Variants in JPH3 observed in about 807,000 individuals in gnomAD.
JPH3 encodes the protein junctophilin 3.
In JPH3, 11 loss-of-function variants were observed where a neutral mutation model predicts 59.6. The ratio of observed to expected loss-of-function variants is 0.18; its 90% confidence interval spans 0.12 to 0.31. The LOEUF is 0.31. Ranked by LOEUF, JPH3 falls within the 10% of genes least tolerant of loss-of-function variation. The probability of loss-of-function intolerance (pLI) is 1.00; values close to 1 mark genes in which losing one functional copy is unlikely to be tolerated. For synonymous variants in JPH3, 673 were observed against 483.6 expected (o/e 1.39, Z -5.14); for missense variants, 1,202 against 1,105.7 (o/e 1.09, Z -1.24).
intron 3 of JPH3, 110 bp downstream of exon 3, chr16:87,684,376 A>C: frequency 6.8e-7 from 1 of 1,472,566 alleles, no homozygotes; most frequent in Non-Finnish European, 9.1e-7. Context: ...AGATGGGCTC[A>C]GCCCCAGCTG....
intron 2 of JPH3, among the ~76,000 whole-genome samples, chr16:87,672,874 G>A (rs932509197): frequency 6.6e-6 from 1 of 152,256 alleles, no homozygotes. Context: ...AGGCCAGGCA[G>A]TGGCTTGTGC....
chr16:87,668,404 A>G (rs2032930099), intron 2 of JPH3, among the ~76,000 whole-genome samples: 1 of 152,120 alleles, frequency 6.6e-6, no homozygotes, highest in Admixed American at 6.5e-5. Flanking sequence ...GATCCTGTTC[A>G]AATCCTGGCC....
chr16:87,620,850 A>G (rs2031159244), intron 1 of JPH3, among the ~76,000 whole-genome samples: 3 of 152,206 alleles, frequency 2.0e-5, no homozygotes, highest in Non-Finnish European at 2.9e-5. Flanking sequence ...TGGAACTGTT[A>G]GGAGCATTCG....
rs1195276500 is a variant in JPH3, at chr16:87,611,265, C to T, written c.382+7737C>T. The stretch of plus-strand genomic sequence containing the variant: ...CCACAGTGGGGGTCCTGAATGGGAG[C>T]ACCACAGGGCAGGGACCTGAGGAGG... On this transcript the variant is annotated intron_variant, in intron 1 of 4. Coordinates refer to ENST00000284262, the MANE Select transcript of JPH3 (RefSeq NM_020655.4). The surrounding 1 kb of genome is among the most constrained non-coding windows in gnomAD (Gnocchi z 4.5). Among the ~76,000 whole-genome samples the T allele has an allele frequency of 2.0e-5, 3 of 152,106 alleles. No individual in the cohort carries two copies. The highest frequency in any genetic ancestry group is 4.4e-5 in the Non-Finnish European group (3 of 68,018).
rs145973057 is a variant in JPH3, at chr16:87,644,454, C to G, written c.579C>G (p.Arg193=). The part of the protein sequence containing the change: ...PAVAGSPAVS[R]GGFVLVAHSD... ...TGGCCGGCAGCCCGGCCGTGTCCCG[C>G]GGGGGCTTCGTGCTCGTGGCCCACA... The change falls in exon 2 of 5, where the codon CGC becomes CGG. Residue 193 remains arginine (R), a synonymous_variant. Coordinates refer to ENST00000284262, the MANE Select transcript of JPH3 (RefSeq NM_020655.4). 15 of 1,612,498 alleles carry G rather than the reference C, an allele frequency of 9.3e-6. No homozygotes were observed. The highest frequency in any genetic ancestry group is 1.2e-5 in the Non-Finnish European group (14 of 1,179,684).
intron 2 of JPH3, among the ~76,000 whole-genome samples, chr16:87,653,186 C>A (rs146122582): frequency 6.6e-6 from 1 of 152,354 alleles, no homozygotes; most frequent in Non-Finnish European, 1.5e-5. Context: ...GAAATGTCCT[C>A]TGAACAGTGT....
At chr16:87,633,056 A>G (rs1044409262) in intron 1 of JPH3, among the ~76,000 whole-genome samples, 1 of 152,104 alleles carries the variant, frequency 6.6e-6, no homozygotes. Flanking sequence ...CATTATTTAT[A>G]TAGTTAATCA....
chr16:87,624,277 C>T (rs1480479882), intron 1 of JPH3, among the ~76,000 whole-genome samples: 4 of 152,342 alleles, frequency 2.6e-5, no homozygotes, highest in Admixed American at 1.3e-4. Flanking sequence ...ACATTTTCAT[C>T]GTCTCAAGAA....
chr16:87,689,980 G>A lies in JPH3; in HGVS notation c.1620G>A (p.Arg540=). 3 of 1,472,262 alleles carry A rather than the reference G, an allele frequency of 2.0e-6. No homozygotes were observed. Among genetic ancestry groups the A allele is most frequent in the East Asian group, 2.5e-5 (1 of 40,344 alleles). The allele number at this position is 1,472,262 out of a possible 1,614,324, so 91.2% of individuals were successfully genotyped here. A position where few individuals can be genotyped will look rare whatever the true frequency, so the allele number is the denominator to read the frequency against. ...GCGAGGAGCAGGCCGGGGGCTCCAGGGGTGTCCGCAGCGGTGCCCTGCGCG... is the reference window on the plus strand; with the variant it reads ...GCGAGGAGCAGGCCGGGGGCTCCAGAGGTGTCCGCAGCGGTGCCCTGCGCG... The part of the protein sequence containing the change: ...SWGEEQAGGS[R]GVRSGALRGG... Residue 540 remains arginine (R), a synonymous_variant, in exon 4 of 5, where the codon AGG becomes AGA. Transcript: ENST00000284262.
Position 87,690,366 on chromosome 16 carries a change from C to G in JPH3, c.2006C>G (p.Ser669Cys), listed in dbSNP as rs1056273670. The change falls in exon 4 of 5, where the codon TCC (serine) becomes TGC (cysteine). Residue 669 changes from serine (S) to cysteine (C), a missense_variant. Physicochemically the swap from Ser to Cys is moderately radical, Grantham distance 112. Coordinates refer to ENST00000284262, the MANE Select transcript of JPH3 (RefSeq NM_020655.4). ...AACAAGGAGAACTTCAGGCCGGCCT[C>G]CTCCGCGGAGCCCGCCGTGCAGAAA... is the stretch of plus-strand genomic sequence containing the variant. Reference protein sequence around the residue: ...AQNKENFRPASSAEPAVQKLA... With the variant: ...AQNKENFRPACSAEPAVQKLA... The G allele has an allele frequency of 3.9e-6, 6 of 1,547,046 alleles. No homozygotes were observed. The highest frequency in any genetic ancestry group is 5.2e-6 in the Non-Finnish European group (6 of 1,149,624).
intron 2 of JPH3, among the ~76,000 whole-genome samples, chr16:87,659,760 T>C (rs1467629255): frequency 6.6e-6 from 1 of 152,038 alleles, no homozygotes; most frequent in South Asian, 2.1e-4. Context: ...TTTTTAACCA[T>C]TTTTAAGTGT....
chr16:87,696,281 TCCAAGGGGACCCTG>T (rs2033848865), intron 4 of JPH3: 2 of 498,612 alleles, frequency 4.0e-6, no homozygotes, highest in Non-Finnish European at 7.3e-6. Context: ...GGTGGTTCTC[TCCAAGGGGACCCTG>T]GGAGAGCTGG....
Position 87,644,334 on chromosome 16 carries a change from C to A in JPH3, c.459C>A (p.Ala153=). Residue 153 remains alanine, a synonymous_variant, in exon 2 of 5, where the codon GCC becomes GCA. Transcript: ENST00000284262. ...GGCAGAGCGTCCCGTATGGCATGGC[C>A]GCGGTCATCCGCTCACCCCTGAGGA... is the stretch of plus-strand genomic sequence containing the variant. ...GVRQSVPYGM[A]AVIRSPLRTS... is the part of the protein sequence containing the mutation. 1.2e-6 allele frequency: 2 copies of A among 1,612,940 alleles called. No homozygotes were observed. Among genetic ancestry groups the A allele is most frequent in the Non-Finnish European group, 1.7e-6 (2 of 1,179,934 alleles).
At chr16:87,636,813 C>T (rs890224179) in intron 1 of JPH3, among the ~76,000 whole-genome samples, 1 of 152,252 alleles carries the variant, frequency 6.6e-6, no homozygotes, top group African/African-American at 2.4e-5. Context: ...TCAGTTCATG[C>T]GTCGCTTAAA....
chr16:87,664,904 A>G (rs112832460), intron 2 of JPH3, among the ~76,000 whole-genome samples: 3,283 of 152,270 alleles, frequency 0.022, 122 homozygotes, highest in African/African-American at 0.075. Flanking sequence ...TCACCAGTGC[A>G]TCTCCAGGGT....
chr16:87,622,799 G>GGGGAGC (rs1326017448), intron 1 of JPH3, among the ~76,000 whole-genome samples: 3 of 152,140 alleles, frequency 2.0e-5, no homozygotes, highest in African/African-American at 4.8e-5. Flanking sequence ...TGGAGTGGAT[G>GGGGAGC]GGGAGCGTGG....
In JPH3 at chr16:87,611,714, G is replaced by C. The variant is rs2030737967; in HGVS notation, c.382+8186G>C. On this transcript the variant is annotated intron_variant, in intron 1 of 4. Transcript: ENST00000284262. This position sits in a 1 kb window ranked among gnomAD's most constrained non-coding sequence, Gnocchi z 4.5. Reference sequence around the variant, plus strand: ...CACCTGGAAGGTGTGTCAAGACACAGATTTCCAGCCCCACCCCTGAGTCTC... The same window carrying C: ...CACCTGGAAGGTGTGTCAAGACACACATTTCCAGCCCCACCCCTGAGTCTC... Among the ~76,000 whole-genome samples the C allele has an allele frequency of 6.6e-6, 1 of 152,214 alleles. No individual in the cohort carries two copies. Among genetic ancestry groups the C allele is most frequent in the South Asian group, 2.1e-4 (1 of 4,834 alleles).
chr16:87,650,185 A>G (rs1206022836), intron 2 of JPH3, among the ~76,000 whole-genome samples: 1 of 152,218 alleles, frequency 6.6e-6, no homozygotes, highest in Non-Finnish European at 1.5e-5. Context: ...TGTCCGTGCC[A>G]CACTTTGGTA....
rs763919637 is a variant in JPH3 at position 87,684,157 on chromosome 16, G to A, written c.1176G>A (p.Arg392=). Residue 392 remains arginine (R), a synonymous_variant, in exon 3 of 5, where the codon CGG becomes CGA. Transcript: ENST00000284262. ...TCTCCCCCAGGACCTCCCACTCTCG[G>A]GCAAAGGCCGAGGCAGCCCTCACAG... ...EIAASRTSHS[R]AKAEAALTAA... 5.6e-6 allele frequency: 9 copies of A among 1,613,480 alleles called. No homozygotes were observed. In the Admixed American group the frequency reaches 1.3e-4, roughly 24 times the overall value.
Sources: gnomAD v4.1 joint callset for allele counts (sites outside exome capture counted in the v4.1 genomes callset) on GRCh38, gnomAD v4.1.1 for gene constraint, Gnocchi (gnomAD v3.1) non-coding constraint, MANE v1.5 for transcripts, NCBI Gene and HGNC (gene_info 2026-07-23, HGNC 2026-07-21) for gene names.